Variants in VWC2L observed in about 807,000 individuals in gnomAD.
VWC2L encodes von Willebrand factor C domain-containing protein 2-like.
A neutral mutation model predicts 21.6 loss-of-function variants in VWC2L; 10 were observed. The observed-to-expected ratio is 0.46, with a 90% CI of 0.29 to 0.78. The LOEUF is 0.78. VWC2L is among the 30% of genes least tolerant of loss of function. The probability of loss-of-function intolerance (pLI) is 0.10; values close to 1 mark genes in which losing one functional copy is unlikely to be tolerated. For synonymous variants in VWC2L, 96 were observed against 94.3 expected, an observed-to-expected ratio of 1.02 and a Z score of -0.10; for missense variants, 209 against 277.1, an observed-to-expected ratio of 0.75 and a Z score of 1.74.
At chr2:214,413,068 C>T (rs1199737477) in intron 1 of VWC2L, among the ~76,000 whole-genome samples, 1 of 151,990 alleles carries the variant, frequency 6.6e-6, no homozygotes, top group Non-Finnish European at 1.5e-5. Flanking sequence ...GTGGAGTTTA[C>T]AAGAGTCAGT....
chr2:214,558,800 C>A (rs1689916340), intron 3 of VWC2L, among the ~76,000 whole-genome samples: 1 of 150,040 alleles, frequency 6.7e-6, no homozygotes. Context: ...ATACAAGTAC[C>A]AACTATAGTT....
At chr2:214,457,667 C>T (rs1472797345) in intron 3 of VWC2L, among the ~76,000 whole-genome samples, 1 of 151,942 alleles carries the variant, frequency 6.6e-6, no homozygotes, top group African/African-American at 2.4e-5. Context: ...ATGTTCCAAG[C>T]CCAGTGTTTT....
At chr2:214,503,118 A>C (rs1446773518) in intron 3 of VWC2L, among the ~76,000 whole-genome samples, 1 of 152,236 alleles carries the variant, frequency 6.6e-6, no homozygotes, top group Non-Finnish European at 1.5e-5. Context: ...CCTGCAAATT[A>C]TCTTCATGCA....
At chr2:214,460,147 T>A (rs1360733107) in intron 3 of VWC2L, among the ~76,000 whole-genome samples, 5 of 152,102 alleles carry the variant, frequency 3.3e-5, no homozygotes, top group Non-Finnish European at 7.4e-5. Flanking sequence ...GTGATCCGCC[T>A]GCCTCAGCCT....
intron 3 of VWC2L, among the ~76,000 whole-genome samples, chr2:214,449,817 G>T (rs992153098): frequency 2.0e-5 from 3 of 152,180 alleles, no homozygotes; most frequent in Non-Finnish European, 2.9e-5. Context: ...GAAAAGAGCA[G>T]CCATAAATGC....
At chr2:214,546,134 C>T (rs1689703390) in intron 3 of VWC2L, among the ~76,000 whole-genome samples, 1 of 152,114 alleles carries the variant, frequency 6.6e-6, no homozygotes, top group Non-Finnish European at 1.5e-5. Flanking sequence ...GAGGAAACTC[C>T]TAGCTTAGCT....
chr2:214,575,781 G>C lies in VWC2L; in HGVS notation c.630G>C (p.Gln210His). 6.2e-7 allele frequency: 1 copy of C among 1,613,482 alleles called. No individual in the cohort carries two copies. The highest frequency in any genetic ancestry group is 1.1e-5 in the South Asian group (1 of 91,072). Reference protein sequence around the residue: ...CHNGDWWKPAQCSKRECQGKQ... With the variant: ...CHNGDWWKPAHCSKRECQGKQ... ...ACGGGGACTGGTGGAAGCCTGCTCA[G>C]TGTTCGAAACGTGAATGCCAAGGCA... Residue 210 changes from glutamine (Q) to histidine (H), a missense_variant, in exon 4 of 4, where the codon CAG becomes CAC. Physicochemically the swap from Gln to His is conservative, Grantham distance 24. Coordinates refer to ENST00000312504, the MANE Select transcript of VWC2L (RefSeq NM_001080500.4).
intron 3 of VWC2L, among the ~76,000 whole-genome samples, chr2:214,551,514 T>C (rs771291398): frequency 1.3e-5 from 2 of 152,194 alleles, no homozygotes; most frequent in Non-Finnish European, 2.9e-5. Flanking sequence ...CAGAGAGAAA[T>C]AATCGCTCTT....
At chr2:214,505,520 A>T (rs1210241321) in intron 3 of VWC2L, among the ~76,000 whole-genome samples, 1 of 152,092 alleles carries the variant, frequency 6.6e-6, no homozygotes, top group African/African-American at 2.4e-5. Flanking sequence ...ACTCAAAGGT[A>T]TAATCAGGTC....
At chr2:214,501,467 A>T (rs1688889183) in intron 3 of VWC2L, among the ~76,000 whole-genome samples, 1 of 152,170 alleles carries the variant, frequency 6.6e-6, no homozygotes, top group Admixed American at 6.5e-5. Context: ...TCATGCCTGT[A>T]ATCCCAGCAT....
At chr2:214,417,110 C>G (rs1386236094) in intron 2 of VWC2L, among the ~76,000 whole-genome samples, 2 of 152,170 alleles carry the variant, frequency 1.3e-5, no homozygotes, top group East Asian at 3.9e-4. Flanking sequence ...ACTCAGCTTG[C>G]AAGGAACAAG....
intron 3 of VWC2L, among the ~76,000 whole-genome samples, chr2:214,546,510 C>T (rs1689709274): frequency 6.6e-6 from 1 of 152,114 alleles, no homozygotes; most frequent in Non-Finnish European, 1.5e-5. Context: ...CAGCAGTTGT[C>T]CTCATTGCCA....
chr2:214,460,032 C>T (rs776080195), intron 3 of VWC2L, among the ~76,000 whole-genome samples: 23 of 151,052 alleles, frequency 1.5e-4, no homozygotes, highest in Admixed American at 6.6e-4. Context: ...CTCAGCCTCG[C>T]GAGTAGTTGG....
chr2:214,538,498 A>G (rs1689573303), intron 3 of VWC2L, among the ~76,000 whole-genome samples: 1 of 152,054 alleles, frequency 6.6e-6, no homozygotes, highest in African/African-American at 2.4e-5. Context: ...CCCTGGATAA[A>G]AATTTTCTAA....
intron 3 of VWC2L, among the ~76,000 whole-genome samples, chr2:214,444,114 A>C (rs886622156): frequency 1.3e-5 from 2 of 152,118 alleles, no homozygotes; most frequent in African/African-American, 4.8e-5. Flanking sequence ...AAAATATAAT[A>C]GAAAGTTTAA....
At chr2:214,466,772 T>A (rs1195274418) in intron 3 of VWC2L, among the ~76,000 whole-genome samples, 1 of 152,242 alleles carries the variant, frequency 6.6e-6, no homozygotes, top group Non-Finnish European at 1.5e-5. Context: ...AAGTTGGATT[T>A]GGTTTCTTAA....
intron 3 of VWC2L, among the ~76,000 whole-genome samples, chr2:214,485,382 A>G (rs1688661286): frequency 6.6e-6 from 1 of 152,194 alleles, no homozygotes; most frequent in East Asian, 1.9e-4. Context: ...GTAAAGAGAC[A>G]AGCCTGATAT....
intron 3 of VWC2L, among the ~76,000 whole-genome samples, chr2:214,470,363 G>C (rs745810270): frequency 4.6e-5 from 7 of 152,148 alleles, no homozygotes; most frequent in Admixed American, 6.5e-5. Flanking sequence ...TACATATTCT[G>C]TGTGATATCC....
At chr2:214,554,253 G>A (rs571766683) in intron 3 of VWC2L, among the ~76,000 whole-genome samples, 1 of 152,116 alleles carries the variant, frequency 6.6e-6, no homozygotes, top group Non-Finnish European at 1.5e-5. Context: ...GTTTGCTACA[G>A]TGTACGGTGT....
Sources: gnomAD v4.1 joint callset for allele counts (sites outside exome capture counted in the v4.1 genomes callset) on GRCh38, gnomAD v4.1.1 for gene constraint, MANE v1.5 for transcripts, NCBI Gene and HGNC (gene_info 2026-07-23, HGNC 2026-07-21) for gene names.